Variants in JPH1 observed in about 807,000 individuals in gnomAD.
JPH1 encodes the protein junctophilin-1.
Under a neutral mutation model 53.6 loss-of-function variants are expected in JPH1, and 12 were observed. The observed-to-expected ratio is 0.22, with a 90% CI of 0.14 to 0.36. The LOEUF is 0.36. Ranked by LOEUF, JPH1 falls within the 10% of genes least tolerant of loss-of-function variation. JPH1 has a pLI of 1.00. For synonymous variants in JPH1, 375 were observed against 363.8 expected (o/e 1.03, Z -0.35); for missense variants, 808 against 905.5 (o/e 0.89, Z 1.38).
chr8:74,252,206 A>G (rs1229746185), intron 3 of JPH1, among the ~76,000 whole-genome samples: 1 of 152,170 alleles, frequency 6.6e-6, no homozygotes, highest in Non-Finnish European at 1.5e-5. Flanking sequence ...TTAGACCTAA[A>G]ACCATAAAAA....
chr8:74,315,676 T>G lies in JPH1; in HGVS notation c.380-56A>C. 19 of 1,509,704 alleles carry G rather than the reference T, an allele frequency of 1.3e-5. No individual in the cohort carries two copies. The highest frequency in any genetic ancestry group is 1.7e-5 in the Non-Finnish European group (19 of 1,127,184). The allele number at this position is 1,509,704 out of a possible 1,614,324, so 93.5% of individuals were successfully genotyped here. A position where few individuals can be genotyped will look rare whatever the true frequency, so the allele number is the denominator to read the frequency against. ...TCGGGGGCAGAGCTGCACCGTCACCTGCACCATCCAGCGCACACTGGCGCA... is the reference window on the plus strand; with the variant it reads ...TCGGGGGCAGAGCTGCACCGTCACCGGCACCATCCAGCGCACACTGGCGCA... On this transcript the variant is annotated intron_variant, in intron 1 of 5. Transcript: ENST00000342232. The surrounding 1 kb of genome is among the most constrained non-coding windows in gnomAD (Gnocchi z 6.3).
At chr8:74,267,672 G>A (rs938539318) in intron 2 of JPH1, among the ~76,000 whole-genome samples, 1 of 152,200 alleles carries the variant, frequency 6.6e-6, no homozygotes, top group African/African-American at 2.4e-5. Context: ...AGCAGGTGTG[G>A]GCCACATGCT....
chr8:74,293,019 G>A (rs796138667), intron 2 of JPH1, among the ~76,000 whole-genome samples: 3 of 152,308 alleles, frequency 2.0e-5, no homozygotes, highest in African/African-American at 4.8e-5. Flanking sequence ...CTTTGGGAAC[G>A]TCAAACAGAG....
At chr8:74,279,539 C>T (rs1411260311) in intron 2 of JPH1, among the ~76,000 whole-genome samples, 1 of 152,144 alleles carries the variant, frequency 6.6e-6, no homozygotes, top group African/African-American at 2.4e-5. Context: ...TGCATAGGGG[C>T]TTAAGAGAAT....
At position 74,321,273 on chromosome 8, in the gene JPH1, C is replaced by T; in HGVS notation, c.15G>A (p.Arg5=). The change falls in exon 1 of 6, where the codon AGG becomes AGA. Residue 5 remains arginine, a synonymous_variant. Coordinates refer to ENST00000342232, the MANE Select transcript of JPH1 (RefSeq NM_020647.4). The surrounding 1 kb of genome is among the most constrained non-coding windows in gnomAD (Gnocchi z 4.3). MTGG[R]FDFDDGGTYC... ...AGGTGCCGCCATCGTCGAAGTCGAA[C>T]CTTCCGCCCGTCATTCGGGGGGCAG... is the stretch of plus-strand genomic sequence containing the variant. 2 of 1,585,474 alleles carry T rather than the reference C, an allele frequency of 1.3e-6. No homozygotes were observed. The highest frequency in any genetic ancestry group is 1.7e-6 in the Non-Finnish European group (2 of 1,165,876).
At chr8:74,253,124 T>C (rs888607209) in intron 3 of JPH1, among the ~76,000 whole-genome samples, 18 of 152,158 alleles carry the variant, frequency 1.2e-4, no homozygotes, top group South Asian at 4.2e-4. Flanking sequence ...TATTCCAAAA[T>C]TGACCACATA....
At chr8:74,249,656 GA>G (rs1490398651) in intron 3 of JPH1, among the ~76,000 whole-genome samples, 3 of 152,138 alleles carry the variant, frequency 2.0e-5, no homozygotes, top group Admixed American at 2.0e-4. Context: ...CCTTTTTAAT[GA>G]AAAAATTTAT....
chr8:74,315,340 G>A lies in JPH1; in HGVS notation c.660C>T (p.Ser220=). 1 of 1,613,574 alleles carries A rather than the reference G, an allele frequency of 6.2e-7. No individual in the cohort carries two copies. The highest frequency in any genetic ancestry group is 8.5e-7 in the Non-Finnish European group (1 of 1,180,014). The change falls in exon 2 of 6, where the codon AGC becomes AGT. Residue 220 remains serine (S), a synonymous_variant. Coordinates refer to ENST00000342232, the MANE Select transcript of JPH1 (RefSeq NM_020647.4). This position sits in a 1 kb window ranked among gnomAD's most constrained non-coding sequence, Gnocchi z 6.3. ...TGGATTCGGACTTGCGAAGTTTCATGCTTCCAAGAAGGGAGCCCCTCCGGA... is the reference window on the plus strand; with the variant it reads ...TGGATTCGGACTTGCGAAGTTTCATACTTCCAAGAAGGGAGCCCCTCCGGA... ...GLFRRGSLLG[S]MKLRKSESKS...
chr8:74,319,242 G>T (rs35427753), intron 1 of JPH1, among the ~76,000 whole-genome samples: 40,491 of 151,904 alleles, frequency 0.27, 5,654 homozygotes, highest in East Asian at 0.39. Flanking sequence ...AAAAGGAGAC[G>T]ATTTTTAACC....
At chr8:74,294,597 C>T (rs2131437881) in intron 2 of JPH1, among the ~76,000 whole-genome samples, 1 of 152,328 alleles carries the variant, frequency 6.6e-6, no homozygotes, top group Middle Eastern at 3.4e-3. Context: ...CTCCACGTAG[C>T]TATTATTTAA....
chr8:74,259,590 A>T (rs960651490), intron 2 of JPH1, 87 bp from the exon 3 acceptor site: 15 of 989,724 alleles, frequency 1.5e-5, no homozygotes, highest in Admixed American at 3.5e-5. Context: ...GGGAAAAGAA[A>T]TGTTAATTAT....
At chr8:74,291,147 A>C (rs1807314566) in intron 2 of JPH1, among the ~76,000 whole-genome samples, 1 of 152,202 alleles carries the variant, frequency 6.6e-6, no homozygotes, top group African/African-American at 2.4e-5. Flanking sequence ...TAATTAAGCT[A>C]AAGAACTTCT....
At chr8:74,278,927 G>C (rs1219169620) in intron 2 of JPH1, among the ~76,000 whole-genome samples, 1 of 152,054 alleles carries the variant, frequency 6.6e-6, no homozygotes, top group Non-Finnish European at 1.5e-5. Flanking sequence ...ATATGTGTAA[G>C]TTTTGTAAAT....
intron 2 of JPH1, among the ~76,000 whole-genome samples, chr8:74,306,512 C>T (rs921524561): frequency 3.9e-5 from 6 of 152,038 alleles, no homozygotes; most frequent in African/African-American, 1.2e-4. Context: ...TTGGTTGAAA[C>T]ACCCAGACTC....
At chr8:74,261,922 C>T (rs1806407856) in intron 2 of JPH1, among the ~76,000 whole-genome samples, 1 of 152,174 alleles carries the variant, frequency 6.6e-6, no homozygotes, top group Non-Finnish European at 1.5e-5. Flanking sequence ...AGTATATCTA[C>T]CACTTTTTAT....
At chr8:74,257,234 T>C (rs1024444042) in intron 3 of JPH1, among the ~76,000 whole-genome samples, 2 of 152,250 alleles carry the variant, frequency 1.3e-5, no homozygotes, top group African/African-American at 4.8e-5. Context: ...TATTCATTCC[T>C]GACGGACAAC....
intron 2 of JPH1, among the ~76,000 whole-genome samples, chr8:74,286,391 A>C (rs561760145): frequency 6.6e-6 from 1 of 152,236 alleles, no homozygotes; most frequent in Non-Finnish European, 1.5e-5. Flanking sequence ...TGTATTTACT[A>C]CTTTAAACAT....
intron 2 of JPH1, among the ~76,000 whole-genome samples, chr8:74,293,123 A>C (rs1488081215): frequency 2.0e-5 from 3 of 152,222 alleles, no homozygotes; most frequent in African/African-American, 7.2e-5. Context: ...GAATTTGGGT[A>C]GGAACCTGTA....
In JPH1 at chr8:74,321,166, G is replaced by C. The variant is rs137999588; in HGVS notation, c.122C>G (p.Ser41Cys). Residue 41 changes from serine to cysteine, a missense_variant, in exon 1 of 6, where the codon TCC becomes TGC. Physicochemically the swap from Ser to Cys is moderately radical, Grantham distance 112. Around this residue, in one of 2 missense-constraint regions of JPH1, gnomAD observed 52 missense variants for 93.6 expected, o/e 0.56. Coordinates refer to ENST00000342232, the MANE Select transcript of JPH1 (RefSeq NM_020647.4). The surrounding 1 kb of genome is among the most constrained non-coding windows in gnomAD (Gnocchi z 4.3). ...GPKGQGEYSG[S>C]WSHGFEVVGG... The stretch of plus-strand genomic sequence containing the variant: ...GACCACCTCGAAGCCGTGCGACCAG[G>C]AGCCCGAGTACTCGCCCTGGCCCTT... The C allele has an allele frequency of 6.2e-6, 10 of 1,613,266 alleles. No individual in the cohort carries two copies. Among genetic ancestry groups the C allele is most frequent in the South Asian group, 1.1e-5 (1 of 91,012 alleles).
Sources: allele counts gnomAD v4.1 joint callset (sites outside exome capture counted in the v4.1 genomes callset), GRCh38; gene constraint gnomAD v4.1.1; regional missense constraint gnomAD v4.1.1; non-coding constraint Gnocchi (gnomAD v3.1); transcripts MANE v1.5; gene names NCBI Gene and HGNC (gene_info 2026-07-23, HGNC 2026-07-21).